Variants in OLFM2 observed in about 807,000 individuals in gnomAD.
OLFM2 encodes noelin-2.
A neutral mutation model predicts 43.9 loss-of-function variants in OLFM2; 20 were observed. The ratio of observed to expected loss-of-function variants is 0.46; its 90% confidence interval spans 0.32 to 0.66. The LOEUF (loss-of-function observed/expected upper bound fraction) is 0.66, where lower values mean the gene tolerates loss of function less well. Ranked by LOEUF, OLFM2 falls within the 30% of genes least tolerant of loss-of-function variation. The pLI, the probability that OLFM2 is intolerant of heterozygous loss-of-function variation, is 0.04. For missense variants in OLFM2, 416 were observed against 643.6 expected, an observed-to-expected ratio of 0.65 and a Z score of 3.83; for synonymous variants, 268 against 278.6, an observed-to-expected ratio of 0.96 and a Z score of 0.38.
intron 1 of OLFM2, among the ~76,000 whole-genome samples, chr19:9,905,524 CCA>C (rs2046778546): frequency 6.6e-6 from 1 of 151,690 alleles, no homozygotes; most frequent in African/African-American, 2.4e-5. Flanking sequence ...GCCTGTAGTT[CCA>C]GTTACTCAGG....
intron 1 of OLFM2, among the ~76,000 whole-genome samples, chr19:9,877,415 C>A (rs2046499703): frequency 6.6e-6 from 1 of 151,846 alleles, no homozygotes; most frequent in Non-Finnish European, 1.5e-5. Context: ...TGCCTGTAAT[C>A]CCAGCTACTC....
At position 9,857,588 on chromosome 19, in the gene OLFM2, C is replaced by A; in HGVS notation, c.361-106G>T. 6.4e-7 allele frequency: 1 copy of A among 1,557,302 alleles called. No homozygotes were observed. The highest frequency in any genetic ancestry group is 2.3e-5 in the East Asian group (1 of 44,238). On this transcript the variant is annotated intron_variant, in intron 3 of 5. Coordinates refer to ENST00000264833, the MANE Select transcript of OLFM2 (RefSeq NM_058164.4). This position sits in a 1 kb window ranked among gnomAD's most constrained non-coding sequence, Gnocchi z 5.7. ...TTCACCCTTTGTCTTTGATGCACAC[C>A]TGGCCCTTGACATGTGGCTCATATT...
intron 1 of OLFM2, among the ~76,000 whole-genome samples, chr19:9,871,331 G>A (rs1233585731): frequency 2.6e-5 from 4 of 151,474 alleles, no homozygotes; most frequent in Non-Finnish European, 4.4e-5. Context: ...CCAGCACTTC[G>A]GGAGGCCAAG....
intron 1 of OLFM2, among the ~76,000 whole-genome samples, chr19:9,930,042 A>C (rs947681745): frequency 6.0e-5 from 9 of 150,578 alleles, no homozygotes; most frequent in African/African-American, 2.0e-4. Flanking sequence ...TCCATCTCAA[A>C]AAAAAAAAGA....
Position 9,905,684 on chromosome 19 carries a change from C to T in OLFM2, c.63+30620G>A, listed in dbSNP as rs183804130. On this transcript the variant is annotated intron_variant, in intron 1 of 5. Transcript: ENST00000264833. ...CTTGAGCCACTAGTGCTGAAGGGGC[C>T]GGAAAGATTCAGATTGGCTCCTCTT... Among the ~76,000 whole-genome samples, 21 of 151,948 alleles carry T rather than the reference C, an allele frequency of 1.4e-4. No homozygotes were observed. The East Asian group carries it at 2.7e-3, about 20-fold the overall frequency.
At chr19:9,877,213 G>A (rs1308325060) in intron 1 of OLFM2, among the ~76,000 whole-genome samples, 4 of 124,250 alleles carry the variant, frequency 3.2e-5, no homozygotes, top group African/African-American at 1.3e-4. Flanking sequence ...CTTGGCGACA[G>A]AGTGAGACTC....
intron 1 of OLFM2, among the ~76,000 whole-genome samples, chr19:9,866,893 C>A (rs1431089741): frequency 6.6e-6 from 1 of 152,118 alleles, no homozygotes; most frequent in Admixed American, 6.5e-5. Context: ...AGTATCTGTT[C>A]CTCAAATGTC....
In OLFM2 at chr19:9,853,770, A is replaced by C. The variant is rs974091626; in HGVS notation, c.*416T>G. 12 of 357,762 alleles carry C rather than the reference A, an allele frequency of 3.4e-5. No individual in the cohort carries two copies. Among genetic ancestry groups the C allele is most frequent in the Non-Finnish European group, 5.0e-5 (10 of 201,824 alleles). The allele number at this position is 357,762 out of a possible 1,614,324, so 22.2% of individuals were successfully genotyped here. A position where few individuals can be genotyped will look rare whatever the true frequency, so the allele number is the denominator to read the frequency against. The stretch of plus-strand genomic sequence containing the variant: ...GGCAAACCGGAAAGAAAAAGTGTAA[A>C]TAAAAAAAGAAACAGATCCATGCAC... On this transcript the variant is annotated 3_prime_UTR_variant, in exon 6 of 6. Coordinates refer to ENST00000264833, the MANE Select transcript of OLFM2 (RefSeq NM_058164.4).
chr19:9,869,635 GAGAC>G (rs933196163), intron 1 of OLFM2, among the ~76,000 whole-genome samples: 29 of 152,116 alleles, frequency 1.9e-4, no homozygotes, highest in African/African-American at 7.0e-4. Flanking sequence ...TATTTTTTAA[GAGAC>G]AGGGTGTCAC....
chr19:9,921,241 C>T (rs927374189), intron 1 of OLFM2, among the ~76,000 whole-genome samples: 2 of 152,036 alleles, frequency 1.3e-5, no homozygotes, highest in South Asian at 2.1e-4. Flanking sequence ...CTCAACCTTC[C>T]GAGTAGCTGG....
rs978965578 is a variant in OLFM2 at position 9,884,569 on chromosome 19, A to G, written c.64-23775T>C. 2.0e-5 allele frequency among the ~76,000 whole-genome samples: 3 copies of G among 152,112 alleles called. No homozygotes were observed. The South Asian group carries it at 6.2e-4, about 32-fold the overall frequency. On this transcript the variant is annotated intron_variant, in intron 1 of 5. Coordinates refer to ENST00000264833, the MANE Select transcript of OLFM2 (RefSeq NM_058164.4). ...TCCAGCCCCAGGTCTATGGGACTGT[A>G]GAGATGCTGGTGTTTCTACAGCTAG...
chr19:9,907,039 A>AG (rs1464971026), intron 1 of OLFM2, among the ~76,000 whole-genome samples: 1 of 151,716 alleles, frequency 6.6e-6, no homozygotes, highest in African/African-American at 2.4e-5. Flanking sequence ...TCGGGGGCAG[A>AG]GGGGGCAAGG....
chr19:9,901,612 G>C (rs1292652906), intron 1 of OLFM2, among the ~76,000 whole-genome samples: 2 of 152,166 alleles, frequency 1.3e-5, no homozygotes, highest in Non-Finnish European at 2.9e-5. Context: ...GGGCACTTTT[G>C]AGGCCACCTT....
intron 1 of OLFM2, among the ~76,000 whole-genome samples, chr19:9,902,131 C>T (rs1302090922): frequency 1.3e-5 from 2 of 151,442 alleles, no homozygotes; most frequent in African/African-American, 4.9e-5. Context: ...TAGGTTCACT[C>T]CACTCTCCTG....
At chr19:9,880,875 G>T (rs1388259126) in intron 1 of OLFM2, among the ~76,000 whole-genome samples, 1 of 152,070 alleles carries the variant, frequency 6.6e-6, no homozygotes, top group Non-Finnish European at 1.5e-5. Context: ...TGGCCTGGGG[G>T]TAGCAATAGC....
chr19:9,930,613 G>T, intron 1 of OLFM2, among the ~76,000 whole-genome samples: 1 of 151,992 alleles, frequency 6.6e-6, no homozygotes, highest in African/African-American at 2.4e-5. Flanking sequence ...GGGAGGCCAA[G>T]GCGGGCAGAT....
In OLFM2 at chr19:9,857,456, C is replaced by G; in HGVS notation, c.387G>C (p.Leu129=). Residue 129 remains leucine (L), a synonymous_variant, in exon 4 of 6, where the codon CTG becomes CTC. Transcript: ENST00000264833. This position sits in a 1 kb window ranked among gnomAD's most constrained non-coding sequence, Gnocchi z 5.7. ...GCTCCAGGACCGAGCTCAGGGGCAA[C>G]AGTTCCGTCATCCTGTCCTTCAGCT... ...FQELKDRMTE[L]LPLSSVLEQY... The G allele has an allele frequency of 6.2e-7, 1 of 1,614,046 alleles. No homozygotes were observed. Among genetic ancestry groups the G allele is most frequent in the Non-Finnish European group, 8.5e-7 (1 of 1,180,040 alleles).
intron 1 of OLFM2, among the ~76,000 whole-genome samples, chr19:9,887,770 C>A (rs1232106540): frequency 6.6e-6 from 1 of 152,204 alleles, no homozygotes; most frequent in South Asian, 2.1e-4. Flanking sequence ...CTCAGCCAAG[C>A]GTGATTACAC....
intron 1 of OLFM2, among the ~76,000 whole-genome samples, chr19:9,896,779 A>G (rs1392398878): frequency 6.6e-6 from 1 of 152,162 alleles, no homozygotes; most frequent in Non-Finnish European, 1.5e-5. Flanking sequence ...ACAGCTGCCA[A>G]TTATATTTAT....
Sources: gnomAD v4.1 joint callset for allele counts (sites outside exome capture counted in the v4.1 genomes callset) on GRCh38, gnomAD v4.1.1 for gene constraint, Gnocchi (gnomAD v3.1) non-coding constraint, MANE v1.5 for transcripts, NCBI Gene and HGNC (gene_info 2026-07-23, HGNC 2026-07-21) for gene names.